The following AGBL4 variants were observed in gnomAD, a reference collection of about 807,000 sequenced individuals.
The protein encoded by AGBL4 is AGBL carboxypeptidase 4, also known as cytosolic carboxypeptidase 6.
Under a neutral mutation model 66.4 loss-of-function variants are expected in AGBL4, and 58 were observed. The observed-to-expected ratio is 0.87, with a 90% CI of 0.71 to 1.09. AGBL4 has a LOEUF of 1.09. AGBL4 is among the 50% of genes least tolerant of loss of function. The pLI, the probability that AGBL4 is intolerant of heterozygous loss-of-function variation, is 0.00. For synonymous variants in AGBL4, 234 were observed against 222.9 expected (o/e 1.05, Z -0.44); for missense variants, 579 against 631.0 (o/e 0.92, Z 0.88).
intron 4 of AGBL4, among the ~76,000 whole-genome samples, chr1:49,087,755 A>G (rs555511092): frequency 6.6e-6 from 1 of 152,328 alleles, no homozygotes; most frequent in South Asian, 2.1e-4. Context: ...GATATACTAT[A>G]CAAGATGACC....
At chr1:48,816,655 C>G (rs774262977) in intron 6 of AGBL4, among the ~76,000 whole-genome samples, 10 of 152,130 alleles carry the variant, frequency 6.6e-5, no homozygotes, top group Non-Finnish European at 1.0e-4. Context: ...AATAAGAAAC[C>G]TCTGGTACCC....
At chr1:49,316,240 T>G (rs1378366781) in intron 3 of AGBL4, among the ~76,000 whole-genome samples, 1 of 151,946 alleles carries the variant, frequency 6.6e-6, no homozygotes, top group East Asian at 1.9e-4. Context: ...CAACGCAGAG[T>G]GAATCCTAAT....
At chr1:48,966,622 T>C (rs1481840965) in intron 5 of AGBL4, among the ~76,000 whole-genome samples, 1 of 152,196 alleles carries the variant, frequency 6.6e-6, no homozygotes, top group East Asian at 1.9e-4. Context: ...AAAACTCTAA[T>C]GCCTATGGTA....
At chr1:49,881,571 T>C (rs919164938) in intron 1 of AGBL4, among the ~76,000 whole-genome samples, 4 of 150,580 alleles carry the variant, frequency 2.7e-5, no homozygotes, top group African/African-American at 7.4e-5. Flanking sequence ...TTTTTAATGA[T>C]TGCCATTCTA....
chr1:49,588,823 C>A (rs753013916), intron 3 of AGBL4, among the ~76,000 whole-genome samples: 1 of 152,124 alleles, frequency 6.6e-6, no homozygotes, highest in Non-Finnish European at 1.5e-5. Context: ...CTGAAACAAC[C>A]TATATTATGA....
intron 6 of AGBL4, among the ~76,000 whole-genome samples, chr1:48,815,551 A>C (rs1646153002): frequency 6.6e-6 from 1 of 152,184 alleles, no homozygotes; most frequent in Non-Finnish European, 1.5e-5. Context: ...ATCTAAAAAA[A>C]AATAGGTGTC....
chr1:49,050,602 C>G (rs1281949624), intron 4 of AGBL4, among the ~76,000 whole-genome samples: 2 of 134,772 alleles, frequency 1.5e-5, no homozygotes, highest in African/African-American at 7.7e-5. Flanking sequence ...ACCTCCTTGC[C>G]TTTTTAAATG....
chr1:49,462,663 C>T (rs895663531), intron 3 of AGBL4, among the ~76,000 whole-genome samples: 4 of 151,654 alleles, frequency 2.6e-5, no homozygotes, highest in African/African-American at 7.3e-5. Flanking sequence ...TCTGATGTTA[C>T]AGGGTTACAA....
At chr1:49,649,668 C>T (rs535444762) in intron 3 of AGBL4, among the ~76,000 whole-genome samples, 4 of 152,096 alleles carry the variant, frequency 2.6e-5, no homozygotes, top group Non-Finnish European at 4.4e-5. Flanking sequence ...TAAACTACTT[C>T]ATCCAACAAC....
At chr1:48,722,762 C>T (rs769008206) in intron 6 of AGBL4, among the ~76,000 whole-genome samples, 3 of 152,102 alleles carry the variant, frequency 2.0e-5, no homozygotes, top group Admixed American at 6.6e-5. Context: ...AATTCGAAGT[C>T]GGAGAGTAAG....
intron 6 of AGBL4, chr1:48,777,073 G>T (rs957596186): frequency 1.6e-4 from 60 of 370,732 alleles, no homozygotes; most frequent in African/African-American, 1.3e-3. Flanking sequence ...GCGGATGAGG[G>T]GGGTTTGGAA....
intron 3 of AGBL4, among the ~76,000 whole-genome samples, chr1:49,425,105 G>A (rs890087950): frequency 2.0e-5 from 3 of 152,094 alleles, no homozygotes; most frequent in East Asian, 1.9e-4. Flanking sequence ...AAAAAGAATC[G>A]AAGATTAGTC....
At chr1:49,770,563 A>G (rs1054419775) in intron 2 of AGBL4, among the ~76,000 whole-genome samples, 4 of 152,122 alleles carry the variant, frequency 2.6e-5, no homozygotes, top group Non-Finnish European at 5.9e-5. Context: ...CCTCCTCTTT[A>G]ATTTCTGGAA....
intron 6 of AGBL4, among the ~76,000 whole-genome samples, chr1:48,777,282 A>G (rs1645147366): frequency 6.6e-6 from 1 of 152,190 alleles, no homozygotes; most frequent in Admixed American, 6.5e-5. Context: ...TTGCATTGCA[A>G]CAAAACTGCA....
chr1:49,958,989 A>G (rs1173668817), intron 1 of AGBL4, among the ~76,000 whole-genome samples: 1 of 151,706 alleles, frequency 6.6e-6, no homozygotes, highest in Non-Finnish European at 1.5e-5. Flanking sequence ...AAATTCTAAC[A>G]GTCAAACATC....
intron 4 of AGBL4, among the ~76,000 whole-genome samples, chr1:49,077,056 T>A (rs889460917): frequency 1.3e-5 from 2 of 151,946 alleles, no homozygotes; most frequent in Non-Finnish European, 2.9e-5. Flanking sequence ...AAGAGGCTTT[T>A]ATCATAACAT....
At chr1:49,941,637 C>G (rs1408673406) in intron 1 of AGBL4, among the ~76,000 whole-genome samples, 2 of 151,978 alleles carry the variant, frequency 1.3e-5, no homozygotes, top group Non-Finnish European at 2.9e-5. Context: ...ATTATATGAT[C>G]ATCTCAATAG....
chr1:49,387,675 T>C (rs760221318), intron 3 of AGBL4, among the ~76,000 whole-genome samples: 1 of 152,106 alleles, frequency 6.6e-6, no homozygotes, highest in African/African-American at 2.4e-5. Context: ...TTTGCTATTA[T>C]GTTTCTATGT....
At chr1:48,612,158 T>C (rs944648751) in intron 9 of AGBL4, among the ~76,000 whole-genome samples, 3 of 152,266 alleles carry the variant, frequency 2.0e-5, no homozygotes, top group Non-Finnish European at 2.9e-5. Context: ...AACTGCCTGG[T>C]TGGACAGAAT....
Sources: allele counts gnomAD v4.1 joint callset (sites outside exome capture counted in the v4.1 genomes callset), GRCh38; gene constraint gnomAD v4.1.1; transcripts MANE v1.5; gene names NCBI Gene and HGNC (gene_info 2026-07-23, HGNC 2026-07-21).